The following BEST3 variants were observed in gnomAD, a reference collection of about 807,000 sequenced individuals.
BEST3 encodes the protein bestrophin 3.
BEST3 carries 50 observed loss-of-function variants against 47.1 expected under a neutral mutation model. That is an observed-to-expected ratio of 1.06 (90% CI 0.85 to 1.34). The LOEUF (loss-of-function observed/expected upper bound fraction) is 1.34. Ranked by LOEUF, BEST3 falls within the 40% of genes most tolerant of loss-of-function variation. The pLI is 0.00. For synonymous variants in BEST3, 282 were observed against 298.8 expected (o/e 0.94, Z 0.58); for missense variants, 765 against 817.0 (o/e 0.94, Z 0.78).
chr12:69,693,773 G>T lies in BEST3; in HGVS notation c.382C>A (p.Leu128Met), dbSNP rs750381379. 1.5e-5 allele frequency: 25 copies of T among 1,614,066 alleles called. No homozygotes were observed. The highest frequency in any genetic ancestry group is 5.0e-5 in the Admixed American group (3 of 60,006). The change falls in exon 4 of 10, where the codon CTG (leucine) becomes ATG (methionine). Residue 128 changes from leucine (L) to methionine (M), a missense_variant. By Grantham distance (15) the Leu-to-Met change is conservative. Coordinates refer to ENST00000330891, the MANE Select transcript of BEST3 (RefSeq NM_032735.3). ...GAGGTGAGATTGACGTAGCGCATCA[G>T]CGTCCTTCTAAGCAGGCGCCCGTGC... ...DEHGRLLRRTLMRYVNLTSLL... is the reference protein window; with the variant it reads ...DEHGRLLRRTMMRYVNLTSLL...
downstream of BEST3, among the ~76,000 whole-genome samples, chr12:69,651,248 C>T (rs1046030699): frequency 2.0e-5 from 3 of 152,214 alleles, no homozygotes; most frequent in Non-Finnish European, 2.9e-5. Flanking sequence ...CCATACAGTG[C>T]TGCTGCATTC....
chr12:69,665,559 C>T (rs927916090), intron 9 of BEST3, among the ~76,000 whole-genome samples: 7 of 152,240 alleles, frequency 4.6e-5, no homozygotes, highest in African/African-American at 1.4e-4. Flanking sequence ...TGCCACTGCA[C>T]TCCAGCCTGG....
intron 4 of BEST3, among the ~76,000 whole-genome samples, chr12:69,686,106 C>G (rs1270495215): frequency 6.6e-6 from 1 of 151,646 alleles, no homozygotes; most frequent in Non-Finnish European, 1.5e-5. Context: ...ATACCACTAT[C>G]CCCTTGGCTC....
In BEST3 at chr12:69,653,994, C is replaced by T. The variant is rs1883306263; in HGVS notation, c.*913G>A. Reference sequence around the variant, plus strand: ...CTTCGTTTTTCTCCAGTGCCCAACACCAAATAGTGGAAGCAGAAAGAAATG... The same window carrying T: ...CTTCGTTTTTCTCCAGTGCCCAACATCAAATAGTGGAAGCAGAAAGAAATG... On this transcript the variant is annotated 3_prime_UTR_variant, in exon 10 of 10. Transcript: ENST00000330891. The T allele has an allele frequency of 2.0e-6, 2 of 985,280 alleles. No individual in the cohort carries two copies. Among genetic ancestry groups the T allele is most frequent in the Admixed American group, 6.2e-5 (1 of 16,260 alleles). 61.0% of individuals were successfully genotyped at this position (985,280 alleles called of 1,614,324 possible). A position where few individuals can be genotyped will look rare whatever the true frequency, so the allele number is the denominator to read the frequency against.
At chr12:69,697,913 G>A in intron 1 of BEST3, 100 bp from the exon 2 acceptor site, 1 of 884,616 alleles carries the variant, frequency 1.1e-6, no homozygotes, top group South Asian at 1.9e-5. Flanking sequence ...CCAGCAACTA[G>A]TCAGCCATAT....
chr12:69,678,855 G>A lies in BEST3; in HGVS notation c.520C>T (p.Leu174Phe), dbSNP rs540664819. Residue 174 changes from leucine to phenylalanine, a missense_variant, in exon 5 of 10, where the codon CTC becomes TTC. Transcript: ENST00000330891. ...TTDERKLFNHLKSPHLKYWVP... is the reference protein window; with the variant it reads ...TTDERKLFNHFKSPHLKYWVP... ...CAATATTTCAGATGAGGAGACTTGAGGTGGTTGAATAATTTCCTTTCATCT... is the reference window on the plus strand; with the variant it reads ...CAATATTTCAGATGAGGAGACTTGAAGTGGTTGAATAATTTCCTTTCATCT... The A allele has an allele frequency of 9.9e-6, 16 of 1,613,938 alleles. No individual in the cohort carries two copies. The East Asian group carries it at 3.6e-4, about 36-fold the overall frequency.
At chr12:69,643,741 G>A (rs755569403) in exon 10 of BEST3, 13 of 715,372 alleles carry the variant, frequency 1.8e-5, no homozygotes, top group Non-Finnish European at 3.4e-5. Flanking sequence ...TGAGGGAGTG[G>A]GATTTTTATA....
At position 69,654,634 on chromosome 12, in the gene BEST3, CT is replaced by C; in HGVS notation, c.*272del. On this transcript the variant is annotated 3_prime_UTR_variant, in exon 10 of 10. Transcript: ENST00000330891. ...TAAGTCATGTATGTTTTTCAGATTC[CT>C]TTTTTTGGTTAAGACTTATTTGGCT... 12 of 1,167,180 alleles carry C rather than the reference CT, an allele frequency of 1.0e-5. No homozygotes were observed. Among genetic ancestry groups the C allele is most frequent in the East Asian group, 4.1e-5 (1 of 24,558 alleles). 72.3% of individuals were successfully genotyped at this position (1,167,180 alleles called of 1,614,324 possible).
chr12:69,674,892 CTTT>C lies in BEST3; in HGVS notation c.868-1930_868-1928del, dbSNP rs35297025. 1.7e-3 allele frequency among the ~76,000 whole-genome samples: 191 copies of C among 109,380 alleles called. 2 individuals are homozygous for C. The highest frequency in any genetic ancestry group is 5.0e-3 in the African/African-American group (148 of 29,344). The allele number at this position is 109,380 out of a possible 152,430, so 71.8% of individuals were successfully genotyped here. ...GGCACAACCCATGGTTTAGGTTTGC[CTTT>C]TTTTTTTTTTTTTTTTTTGGAGACA... is the stretch of plus-strand genomic sequence containing the variant. On this transcript the variant is annotated intron_variant, in intron 7 of 9. Transcript: ENST00000330891.
intron 9 of BEST3, among the ~76,000 whole-genome samples, chr12:69,664,099 C>A (rs1823995174): frequency 6.6e-6 from 1 of 152,144 alleles, no homozygotes; most frequent in Non-Finnish European, 1.5e-5. Context: ...TTGGGGACTG[C>A]ATTCAGATTT....
downstream of BEST3, among the ~76,000 whole-genome samples, chr12:69,649,344 T>C (rs1883139985): frequency 6.6e-6 from 1 of 152,260 alleles, no homozygotes; most frequent in Non-Finnish European, 1.5e-5. Context: ...ATTACAATCA[T>C]GCCAGCAATG....
chr12:69,689,450 T>C (rs868374988), intron 4 of BEST3, among the ~76,000 whole-genome samples: 114 of 152,174 alleles, frequency 7.5e-4, no homozygotes, highest in African/African-American at 2.7e-3. Flanking sequence ...TATGGTCTTA[T>C]ACTGAATCAA....
chr12:69,657,749 G>A (rs1177174330), intron 9 of BEST3, among the ~76,000 whole-genome samples: 2 of 152,188 alleles, frequency 1.3e-5, no homozygotes, highest in African/African-American at 4.8e-5. Flanking sequence ...AGCAGCCAAA[G>A]AAACGTCGTT....
intron 9 of BEST3, chr12:69,643,838 A>G: frequency 1.5e-6 from 1 of 657,550 alleles, no homozygotes; most frequent in Non-Finnish European, 2.8e-6. Flanking sequence ...ACACGTATAC[A>G]GGTGCTTCTC....
intron 4 of BEST3, among the ~76,000 whole-genome samples, chr12:69,693,453 T>TG (rs1374741105): frequency 1.3e-5 from 2 of 151,832 alleles, no homozygotes; most frequent in Non-Finnish European, 2.9e-5. Context: ...TTAGTAGAGA[T>TG]GGGGTTTCGC....
chr12:69,696,941 A>T (rs1434244249), intron 2 of BEST3, among the ~76,000 whole-genome samples: 1 of 152,202 alleles, frequency 6.6e-6, no homozygotes, highest in Non-Finnish European at 1.5e-5. Context: ...TATCATACTG[A>T]TGAAATTTTA....
At chr12:69,674,343 T>C (rs1227207778) in intron 7 of BEST3, among the ~76,000 whole-genome samples, 2 of 152,180 alleles carry the variant, frequency 1.3e-5, no homozygotes, top group Admixed American at 1.3e-4. Flanking sequence ...ACCCGATTGA[T>C]GCCTGGGTCC....
chr12:69,647,323 G>A (rs781253873), intron 9 of BEST3, among the ~76,000 whole-genome samples: 1 of 152,200 alleles, frequency 6.6e-6, no homozygotes. Flanking sequence ...TGTGATACAA[G>A]AGTTGGCCGA....
chr12:69,654,416 C>G lies in BEST3; in HGVS notation c.*491G>C. On this transcript the variant is annotated 3_prime_UTR_variant, in exon 10 of 10. Transcript: ENST00000330891. ...AGTAGGAATGAGATGGTTAGAAAGC[C>G]TCAAACAAAAACGTTAGGAAGGAGG... 1.0e-6 allele frequency: 1 copy of G among 985,726 alleles called. No individual in the cohort carries two copies. The highest frequency in any genetic ancestry group is 1.2e-6 in the Non-Finnish European group (1 of 830,318). 61.1% of individuals were successfully genotyped at this position (985,726 alleles called of 1,614,324 possible).
Sources: allele counts gnomAD v4.1 joint callset (sites outside exome capture counted in the v4.1 genomes callset), GRCh38; gene constraint gnomAD v4.1.1; transcripts MANE v1.5; gene names NCBI Gene and HGNC (gene_info 2026-07-23, HGNC 2026-07-21).